The following HEATR6 variants were observed in gnomAD, a reference collection of about 807,000 sequenced individuals.
HEATR6 encodes HEAT repeat-containing protein 6.
In HEATR6, 106 loss-of-function variants were observed where a neutral mutation model predicts 132.8. The observed-to-expected ratio is 0.80, with a 90% CI of 0.68 to 0.94. The LOEUF (loss-of-function observed/expected upper bound fraction) is 0.94. Ranked by LOEUF, HEATR6 falls within the 40% of genes least tolerant of loss-of-function variation. The pLI, the probability that HEATR6 is intolerant of heterozygous loss-of-function variation, is 0.00. For synonymous variants in HEATR6, 529 were observed against 537.8 expected (o/e 0.98, Z 0.23); for missense variants, 1,339 against 1,425.1 (o/e 0.94, Z 0.97).
chr17:60,077,503 A>G (rs1310572137), intron 1 of HEATR6, among the ~76,000 whole-genome samples: 1 of 152,232 alleles, frequency 6.6e-6, no homozygotes. Flanking sequence ...CTTCCTAATG[A>G]CATACACTAT....
At chr17:60,048,426 G>T in intron 16 of HEATR6, 38 bp from the exon 17 acceptor site, 1 of 1,553,338 alleles carries the variant, frequency 6.4e-7, no homozygotes, top group Non-Finnish European at 8.8e-7. Context: ...TACTTTAGCA[G>T]GTCATGCTGC....
In HEATR6 at chr17:60,049,652, G is replaced by C; in HGVS notation, c.2475C>G (p.Ser825Arg). The C allele has an allele frequency of 1.2e-6, 2 of 1,613,790 alleles. No individual in the cohort carries two copies. The highest frequency in any genetic ancestry group is 2.2e-5 in the East Asian group (1 of 44,876). Residue 825 changes from serine (S) to arginine (R), a missense_variant, in exon 16 of 20, where the codon AGC (serine) becomes AGG (arginine). Physicochemically the swap from Ser to Arg is moderately radical, Grantham distance 110. Coordinates refer to ENST00000184956, the MANE Select transcript of HEATR6 (RefSeq NM_022070.5). Reference sequence around the variant, plus strand: ...TTGCAGCTTTCACTAAGCGATTCTTGCTGTCATTCAGCCCGAGCAGCACTG... The same window carrying C: ...TTGCAGCTTTCACTAAGCGATTCTTCCTGTCATTCAGCCCGAGCAGCACTG... ...CITVLLGLND[S>R]KNRLVKAATS...
Position 60,073,899 on chromosome 17 carries a change from GA to G in HEATR6, c.328-14del. ...CATCAACAATTACCTAACAGGACAG[GA>G]AAAGATATATTCTGATCTAACTTTT... On this transcript the variant is annotated splice_polypyrimidine_tract_variant and intron_variant, in intron 2 of 19. Coordinates refer to ENST00000184956, the MANE Select transcript of HEATR6 (RefSeq NM_022070.5). The G allele has an allele frequency of 1.2e-6, 2 of 1,611,612 alleles. No homozygotes were observed. Among genetic ancestry groups the G allele is most frequent in the South Asian group, 2.2e-5 (2 of 90,536 alleles).
intron 17 of HEATR6, 30 bp downstream of exon 17, chr17:60,048,234 C>A: frequency 1.2e-6 from 2 of 1,601,424 alleles, no homozygotes; most frequent in South Asian, 2.2e-5. Flanking sequence ...TCTCAGAAGT[C>A]AGCTGGGGAA....
intron 9 of HEATR6, among the ~76,000 whole-genome samples, chr17:60,062,000 C>T (rs907491470): frequency 4.2e-4 from 64 of 152,230 alleles, no homozygotes; most frequent in Admixed American, 4.1e-3. Context: ...AAAATCATGA[C>T]TATCACAGAT....
rs750779155 is a variant in HEATR6, at chr17:60,076,146, A to T, written c.311T>A (p.Leu104Ter). The T allele has an allele frequency of 1.4e-5, 23 of 1,599,960 alleles. No individual in the cohort carries two copies. The highest frequency in any genetic ancestry group is 1.7e-4 in the Middle Eastern group (1 of 6,058). ...CATGATTACCTGTAATCTGTTAAGT[A>T]AATGGTGGATAAGCTGGCTCACTTT... ...VSKVSQLIHH[L>*]LNRLQVIVDE... The change falls in exon 2 of 20, where the codon TTA (leucine) becomes TAA (stop). Residue 104 changes from leucine to a stop codon, truncating the protein, a stop_gained. Transcript: ENST00000184956. LOFTEE classifies it high-confidence loss of function.
At chr17:60,050,804 C>A in intron 15 of HEATR6, 39 bp downstream of exon 15, 1 of 1,610,318 alleles carries the variant, frequency 6.2e-7, no homozygotes, top group Non-Finnish European at 8.5e-7. Context: ...TCTGGTGCTC[C>A]AGCCATGATT....
In HEATR6 at chr17:60,043,487, A is replaced by G. The variant is rs1355057568; in HGVS notation, c.*76T>C. ...ACGGATTGTTTCTGCCCCTAAGATG[A>G]AATCCCACAGATCTTATGCTCAAGC... On this transcript the variant is annotated 3_prime_UTR_variant, in exon 20 of 20. Transcript: ENST00000184956. 2.5e-6 allele frequency: 3 copies of G among 1,197,822 alleles called. No individual in the cohort carries two copies. The East Asian group carries it at 7.0e-5, about 28-fold the overall frequency. The allele number at this position is 1,197,822 out of a possible 1,614,324, so 74.2% of individuals were successfully genotyped here. A position where few individuals can be genotyped will look rare whatever the true frequency, so the allele number is the denominator to read the frequency against.
intron 14 of HEATR6, among the ~76,000 whole-genome samples, chr17:60,054,298 C>G (rs1906672520): frequency 6.6e-6 from 1 of 152,256 alleles, no homozygotes. Context: ...GAGCTTCCAC[C>G]TAGATTTCAG....
intron 9 of HEATR6, among the ~76,000 whole-genome samples, chr17:60,062,376 G>C (rs2083216817): frequency 6.6e-6 from 1 of 152,236 alleles, no homozygotes; most frequent in Non-Finnish European, 1.5e-5. Flanking sequence ...TCTTACAGAA[G>C]TCAGTGTGCT....
At position 60,041,423 on chromosome 17, in the gene HEATR6, A is replaced by G. The variant is rs1906168912; in HGVS notation, c.*2140T>C. Among the ~76,000 whole-genome samples, 1 of 152,244 alleles carries G rather than the reference A, an allele frequency of 6.6e-6. No individual in the cohort carries two copies. The highest frequency in any genetic ancestry group is 2.1e-4 in the South Asian group (1 of 4,838). ...TGAGAAAACTCAAAGAATCACAGTA[A>G]TAAGCTGTCTATGCCATATTTTTTT... is the stretch of plus-strand genomic sequence containing the variant. On this transcript the variant is annotated 3_prime_UTR_variant, in exon 20 of 20. Coordinates refer to ENST00000184956, the MANE Select transcript of HEATR6 (RefSeq NM_022070.5).
Position 60,050,978 on chromosome 17 carries a change from C to A in HEATR6, c.2290-1G>T. 1 of 1,614,012 alleles carries A rather than the reference C, an allele frequency of 6.2e-7. No individual in the cohort carries two copies. Among genetic ancestry groups the A allele is most frequent in the Non-Finnish European group, 8.5e-7 (1 of 1,179,932 alleles). On this transcript the variant is annotated splice_acceptor_variant, in intron 14 of 19. Coordinates refer to ENST00000184956, the MANE Select transcript of HEATR6 (RefSeq NM_022070.5). LOFTEE classifies it high-confidence loss of function. ...GCATCATAGTCCAGAACATCACCAC[C>A]TGGAACGGAGGCAAAGTAAAAGCTG...
intron 2 of HEATR6, chr17:60,074,163 T>C (rs2083285335): frequency 1.7e-6 from 2 of 1,153,496 alleles, no homozygotes; most frequent in Admixed American, 8.6e-5. Flanking sequence ...TTGGCAGCTG[T>C]GAATACACAG....
At chr17:60,078,627 G>A (rs1597960810) in intron 1 of HEATR6, 69 bp downstream of exon 1, 1 of 1,246,240 alleles carries the variant, frequency 8.0e-7, no homozygotes, top group Non-Finnish European at 1.1e-6. Context: ...GGAAAGGCAG[G>A]CAGAGGCCAC....
At position 60,060,052 on chromosome 17, in the gene HEATR6, G is replaced by C; in HGVS notation, c.1461C>G (p.Gly487=). The change falls in exon 10 of 20, where the codon GGC becomes GGG. Residue 487 remains glycine (G), a synonymous_variant. Coordinates refer to ENST00000184956, the MANE Select transcript of HEATR6 (RefSeq NM_022070.5). ...ALQVLSAILE[G]SKQFLSVAED... is the part of the protein sequence containing the mutation. ...CAGCAACAGAAAGAAACTGCTTTGA[G>C]CCTTCCAAGATGGCAGATAAAACTT... 1 of 1,614,048 alleles carries C rather than the reference G, an allele frequency of 6.2e-7. No homozygotes were observed. Among genetic ancestry groups the C allele is most frequent in the Non-Finnish European group, 8.5e-7 (1 of 1,179,940 alleles).
rs537681308 is a variant in HEATR6 at position 60,076,477 on chromosome 17, G to A, written c.220-240C>T. 109 of 421,200 alleles carry A rather than the reference G, an allele frequency of 2.6e-4. 1 individual carries two copies. The highest frequency in any genetic ancestry group is 6.5e-4 in the South Asian group (24 of 36,966). The allele number at this position is 421,200 out of a possible 1,614,324, so 26.1% of individuals were successfully genotyped here. On this transcript the variant is annotated intron_variant, in intron 1 of 19. Coordinates refer to ENST00000184956, the MANE Select transcript of HEATR6 (RefSeq NM_022070.5). The stretch of plus-strand genomic sequence containing the variant: ...GTTCTTCCGGAGGTCAAAGCGGGAG[G>A]ACTGCTTGAGCCCAGGAGTCCAAGA...
chr17:60,070,911 T>C (rs1289503429), intron 5 of HEATR6, 104 bp from the exon 6 acceptor site: 3 of 663,064 alleles, frequency 4.5e-6, no homozygotes, highest in Non-Finnish European at 8.2e-6. Flanking sequence ...AGTCTCTAGA[T>C]GATGAAAAAA....
chr17:60,066,434 T>C, intron 8 of HEATR6, 48 bp from the exon 9 acceptor site: 1 of 1,393,300 alleles, frequency 7.2e-7, no homozygotes, highest in Non-Finnish European at 9.8e-7. Context: ...AAATCATTTT[T>C]TTAAAAAAAA....
chr17:60,074,067 C>A (rs1371934238), intron 2 of HEATR6, 181 bp from the exon 3 acceptor site: 1 of 1,294,594 alleles, frequency 7.7e-7, no homozygotes, highest in East Asian at 3.0e-5. Context: ...GCCTTCTCCC[C>A]ACCCCAAGGT....
Sources: allele counts gnomAD v4.1 joint callset (sites outside exome capture counted in the v4.1 genomes callset), GRCh38; gene constraint gnomAD v4.1.1; transcripts MANE v1.5; gene names NCBI Gene and HGNC (gene_info 2026-07-23, HGNC 2026-07-21).